Variants in PIGR observed in about 807,000 individuals in gnomAD.
The protein encoded by PIGR is hepatocellular carcinoma associated protein TB6.
Under a neutral mutation model 69.5 loss-of-function variants are expected in PIGR, and 22 were observed. That is an observed-to-expected ratio of 0.32 (90% CI 0.23 to 0.45). The LOEUF (loss-of-function observed/expected upper bound fraction) is 0.45. Ranked by LOEUF, PIGR falls within the 20% of genes least tolerant of loss-of-function variation. The pLI, the probability that PIGR is intolerant of heterozygous loss-of-function variation, is 1.00. For missense variants in PIGR, 885 were observed against 974.0 expected (o/e 0.91, Z 1.22); for synonymous variants, 413 against 407.6 (o/e 1.01, Z -0.16).
In PIGR at chr1:206,934,433, C is replaced by T; in HGVS notation, c.1692G>A (p.Glu564=). ...TTGGAGACTCACCCGCTGCCTTCCT[C>T]TCTTCAACTGCCACATAGACGGCTG... ...ETAAVYVAVE[E]RKAAGSRDVS... The change falls in exon 6 of 11, where the codon GAG becomes GAA. Residue 564 remains glutamate (E), a synonymous_variant. Transcript: ENST00000356495. 6.2e-7 allele frequency: 1 copy of T among 1,613,244 alleles called. No homozygotes were observed. The highest frequency in any genetic ancestry group is 8.5e-7 in the Non-Finnish European group (1 of 1,179,274).
At position 206,941,342 on chromosome 1, in the gene PIGR, C is replaced by T. The variant is rs572152731; in HGVS notation, c.-53-758G>A. On this transcript the variant is annotated intron_variant, in intron 1 of 10. Transcript: ENST00000356495. ...CTGACTGCAAAGTCCATGTGCTTAACCTCTCCACTACTGTATCGCACCCCA... is the reference window on the plus strand; with the variant it reads ...CTGACTGCAAAGTCCATGTGCTTAATCTCTCCACTACTGTATCGCACCCCA... Among the ~76,000 whole-genome samples, 4 of 152,322 alleles carry T rather than the reference C, an allele frequency of 2.6e-5. No homozygotes were observed. The East Asian group carries it at 7.7e-4, about 29-fold the overall frequency.
At chr1:206,943,793 CAT>C (rs1249282274) in intron 1 of PIGR, among the ~76,000 whole-genome samples, 2 of 152,118 alleles carry the variant, frequency 1.3e-5, no homozygotes, top group African/African-American at 2.4e-5. Context: ...AGGTTGGACT[CAT>C]GTGGATAAGA....
In PIGR at chr1:206,937,616, A is replaced by G. The variant is rs1042276146; in HGVS notation, c.524T>C (p.Leu175Pro). Residue 175 changes from leucine to proline, a missense_variant, in exon 4 of 11, where the codon CTG becomes CCG. Coordinates refer to ENST00000356495, the MANE Select transcript of PIGR (RefSeq NM_002644.4). ...LYKQIGLYPV[L>P]VIDSSGYVNP... The stretch of plus-strand genomic sequence containing the variant: ...TACATAACCACTGGAGTCGATGACC[A>G]GCACAGGGTACAGGCCTATCTGCTT... The G allele has an allele frequency of 6.2e-7, 1 of 1,613,950 alleles. No homozygotes were observed.
chr1:206,933,708 A>G (rs1679807135), intron 6 of PIGR, among the ~76,000 whole-genome samples: 2 of 152,224 alleles, frequency 1.3e-5, no homozygotes, highest in South Asian at 4.1e-4. Flanking sequence ...CTTGTAAATG[A>G]AGGTATCTGG....
At position 206,935,389 on chromosome 1, in the gene PIGR, C is replaced by G. The variant is rs1383364553; in HGVS notation, c.1378+97G>C. Reference sequence around the variant, plus strand: ...GGCTCCCTCCTGAGGTCTGGCCCATCAGGGTGGAGGCGGGTGAAAAAGGAG... The same window carrying G: ...GGCTCCCTCCTGAGGTCTGGCCCATGAGGGTGGAGGCGGGTGAAAAAGGAG... On this transcript the variant is annotated intron_variant, in intron 5 of 10. Transcript: ENST00000356495. This position sits in a 1 kb window ranked among gnomAD's most constrained non-coding sequence, Gnocchi z 4.4. The G allele has an allele frequency of 2.6e-5, 28 of 1,065,614 alleles. No individual in the cohort carries two copies. In the East Asian group the frequency reaches 5.9e-4, roughly 23 times the overall value. 66.0% of individuals were successfully genotyped at this position (1,065,614 alleles called of 1,614,324 possible). A position where few individuals can be genotyped will look rare whatever the true frequency, so the allele number is the denominator to read the frequency against.
chr1:206,939,395 T>C lies in PIGR; in HGVS notation c.112A>G (p.Ile38Val), dbSNP rs774087690. 18 of 1,614,178 alleles carry C rather than the reference T, an allele frequency of 1.1e-5. No individual in the cohort carries two copies. Among genetic ancestry groups the C allele is most frequent in the Non-Finnish European group, 1.4e-5 (16 of 1,180,008 alleles). Residue 38 changes from isoleucine (I) to valine (V), a missense_variant, in exon 3 of 11, where the codon ATC (isoleucine) becomes GTC (valine). Ile to Val is a conservative substitution (Grantham distance 29). Coordinates refer to ENST00000356495, the MANE Select transcript of PIGR (RefSeq NM_002644.4). ...VNSVEGNSVS[I>V]TCYYPPTSVN... Reference sequence around the variant, plus strand: ...GAGGTGGGTGGGTAGTAGCACGTGATGGACACTGAGTTACCTTCCACACTA... The same window carrying C: ...GAGGTGGGTGGGTAGTAGCACGTGACGGACACTGAGTTACCTTCCACACTA...
chr1:206,932,991 G>A lies in PIGR; in HGVS notation c.1881C>T (p.Ser627=), dbSNP rs150262566. 1.3e-4 allele frequency: 213 copies of A among 1,613,976 alleles called. 1 individual carries two copies. The African/African-American group carries it at 2.4e-3, about 18-fold the overall frequency. ...QADGSRASVD[S]GSSEEQGGSS... ...AGCCTTGAATCCTTCCTTACCTGCC[G>A]GAATCCACAGATGCTCTGCTCCCAT... Residue 627 remains serine (S), a synonymous_variant, in exon 7 of 11, where the codon TCC becomes TCT. Transcript: ENST00000356495.
intron 10 of PIGR, chr1:206,931,070 G>A (rs1679730299): frequency 1.0e-6 from 1 of 985,396 alleles, no homozygotes; most frequent in Non-Finnish European, 1.2e-6. Context: ...CCCACCGCAA[G>A]CAAATGTCTC....
At chr1:206,941,884 G>A (rs1322216240) in intron 1 of PIGR, among the ~76,000 whole-genome samples, 2 of 152,190 alleles carry the variant, frequency 1.3e-5, no homozygotes, top group African/African-American at 2.4e-5. Context: ...TTAAATGATC[G>A]TAAGTTTGGG....
intron 1 of PIGR, 48 bp from the exon 2 acceptor site, chr1:206,940,632 G>T: frequency 8.5e-7 from 1 of 1,182,602 alleles, no homozygotes; most frequent in South Asian, 1.6e-5. Context: ...TGTCTTCCAA[G>T]ACTAGTTGAC....
At position 206,935,877 on chromosome 1, in the gene PIGR, G is replaced by T. The variant is rs1572644454; in HGVS notation, c.1046-59C>A. ...GGCCACGCAGGAAGAGCCTTGCGTG[G>T]CCTGAGAAGCCTTCTTCCCGGGGTC... On this transcript the variant is annotated intron_variant, in intron 4 of 10. Transcript: ENST00000356495. The surrounding 1 kb of genome is among the most constrained non-coding windows in gnomAD (Gnocchi z 4.4). The T allele has an allele frequency of 1.5e-6, 2 of 1,298,924 alleles. No individual in the cohort carries two copies. The highest frequency in any genetic ancestry group is 1.5e-5 in the African/African-American group (1 of 68,292). The allele number at this position is 1,298,924 out of a possible 1,614,324, so 80.5% of individuals were successfully genotyped here. A position where few individuals can be genotyped will look rare whatever the true frequency, so the allele number is the denominator to read the frequency against.
Position 206,930,187 on chromosome 1 carries a change from T to C in PIGR, c.*131A>G. On this transcript the variant is annotated 3_prime_UTR_variant, in exon 11 of 11. Coordinates refer to ENST00000356495, the MANE Select transcript of PIGR (RefSeq NM_002644.4). This position sits in a 1 kb window ranked among gnomAD's most constrained non-coding sequence, Gnocchi z 4.3. ...TCACTGAGGAGGGGACCAGCACGCCTCTGAGGACAGTAGGAAAAACCTAGG... is the reference window on the plus strand; with the variant it reads ...TCACTGAGGAGGGGACCAGCACGCCCCTGAGGACAGTAGGAAAAACCTAGG... 1 of 689,948 alleles carries C rather than the reference T, an allele frequency of 1.4e-6. No individual in the cohort carries two copies. Among genetic ancestry groups the C allele is most frequent in the Non-Finnish European group, 2.3e-6 (1 of 429,260 alleles). The allele number at this position is 689,948 out of a possible 1,614,324, so 42.7% of individuals were successfully genotyped here.
chr1:206,935,565 G>A lies in PIGR; in HGVS notation c.1299C>T (p.Ser433=). Residue 433 remains serine (S), a synonymous_variant, in exon 5 of 11, where the codon AGC becomes AGT. Transcript: ENST00000356495. The surrounding 1 kb of genome is among the most constrained non-coding windows in gnomAD (Gnocchi z 4.4). ...GACACCAGTAGAAGCCGGCGTCCCG[G>A]CTGGTGAGCTGGTTGAGGATGACAG... ...TFTVILNQLT[S]RDAGFYWCLT... is the part of the protein sequence containing the mutation. The A allele has an allele frequency of 6.2e-7, 1 of 1,614,208 alleles. No homozygotes were observed. Among genetic ancestry groups the A allele is most frequent in the Non-Finnish European group, 8.5e-7 (1 of 1,180,030 alleles).
chr1:206,930,288 A>G lies in PIGR; in HGVS notation c.*30T>C, dbSNP rs747485788. ...CGACATGATTCTGAAGGTGATTGTC[A>G]TGGGTGCAGGGAGCAGGCGGCGACA... On this transcript the variant is annotated 3_prime_UTR_variant, in exon 11 of 11. Transcript: ENST00000356495. The surrounding 1 kb of genome is among the most constrained non-coding windows in gnomAD (Gnocchi z 4.3). 3 of 1,577,056 alleles carry G rather than the reference A, an allele frequency of 1.9e-6. No individual in the cohort carries two copies. The highest frequency in any genetic ancestry group is 2.3e-5 in the South Asian group (2 of 87,024).
intron 1 of PIGR, among the ~76,000 whole-genome samples, chr1:206,941,924 G>A (rs749389760): frequency 2.0e-5 from 3 of 152,190 alleles, no homozygotes; most frequent in Non-Finnish European, 4.4e-5. Flanking sequence ...AGATAAGGAC[G>A]CTGTAAGCAG....
At chr1:206,942,185 G>C (rs982985157) in intron 1 of PIGR, among the ~76,000 whole-genome samples, 2 of 152,242 alleles carry the variant, frequency 1.3e-5, no homozygotes, top group African/African-American at 4.8e-5. Flanking sequence ...TGGCAACGTT[G>C]AGGCTCTCTT....
chr1:206,932,958 G>C (rs754458638), intron 7 of PIGR, 28 bp downstream of exon 7: 1 of 1,610,906 alleles, frequency 6.2e-7, no homozygotes, highest in Non-Finnish European at 8.5e-7. Context: ...GGTGTTCTCC[G>C]AGTGGGGAGC....
At chr1:206,943,124 GC>G (rs770761306) in intron 1 of PIGR, among the ~76,000 whole-genome samples, 5 of 152,160 alleles carry the variant, frequency 3.3e-5, no homozygotes, top group African/African-American at 4.8e-5. Flanking sequence ...TAAAGGATTT[GC>G]TTAAGGAAGG....
rs367621932 is a variant in PIGR at position 206,931,138 on chromosome 1, G to A, written c.2199+359C>T. 2.6e-5 allele frequency: 26 copies of A among 985,418 alleles called. 1 individual carries two copies. The East Asian group carries it at 2.6e-3, about 99-fold the overall frequency. 61.0% of individuals were successfully genotyped at this position (985,418 alleles called of 1,614,324 possible). On this transcript the variant is annotated intron_variant, in intron 10 of 10. Coordinates refer to ENST00000356495, the MANE Select transcript of PIGR (RefSeq NM_002644.4). Reference sequence around the variant, plus strand: ...ACCCTCAAGGGAGGATGTGTGGCCTGAGGTCCTTGGGTCCCCCAACCCAGG... The same window carrying A: ...ACCCTCAAGGGAGGATGTGTGGCCTAAGGTCCTTGGGTCCCCCAACCCAGG...
Sources: allele counts gnomAD v4.1 joint callset (sites outside exome capture counted in the v4.1 genomes callset), GRCh38; gene constraint gnomAD v4.1.1; non-coding constraint Gnocchi (gnomAD v3.1); transcripts MANE v1.5; gene names NCBI Gene and HGNC (gene_info 2026-07-23, HGNC 2026-07-21).